The following RAD17 variants were observed in gnomAD, a reference collection of about 807,000 sequenced individuals.
RAD17 encodes RAD17 checkpoint clamp loader component.
RAD17 carries 31 observed loss-of-function variants against 81.5 expected under a neutral mutation model. The observed-to-expected ratio is 0.38, with a 90% CI of 0.29 to 0.51. RAD17 has a LOEUF of 0.51. Ranked by LOEUF, RAD17 falls within the 20% of genes least tolerant of loss-of-function variation. The pLI, the probability that RAD17 is intolerant of heterozygous loss-of-function variation, is 0.88. For synonymous variants in RAD17, 261 were observed against 266.2 expected (o/e 0.98, Z 0.19); for missense variants, 681 against 781.2 (o/e 0.87, Z 1.53).
chr5:69,397,974 G>A (rs1210527230), intron 16 of RAD17, among the ~76,000 whole-genome samples: 7 of 152,148 alleles, frequency 4.6e-5, no homozygotes, highest in Non-Finnish European at 5.9e-5. Flanking sequence ...AAACTTAGCC[G>A]GGTGTGGCGG....
upstream of RAD17, chr5:69,369,402 C>T: frequency 6.3e-7 from 1 of 1,591,316 alleles, no homozygotes; most frequent in Non-Finnish European, 8.6e-7. Flanking sequence ...CGCCCGATGC[C>T]CAGAGCACTC....
At chr5:69,386,983 G>A (rs1764253836) in intron 11 of RAD17, among the ~76,000 whole-genome samples, 1 of 146,918 alleles carries the variant, frequency 6.8e-6, no homozygotes, top group Non-Finnish European at 1.5e-5. Flanking sequence ...GGACTGCAGT[G>A]GCATAATCAT....
At position 69,395,331 on chromosome 5, in the gene RAD17, C is replaced by T. The variant is rs563750910; in HGVS notation, c.1423-1066C>T. 7.9e-5 allele frequency among the ~76,000 whole-genome samples: 12 copies of T among 152,054 alleles called. No homozygotes were observed. In the South Asian group the frequency reaches 2.3e-3, roughly 29 times the overall value. On this transcript the variant is annotated intron_variant, in intron 15 of 18. Transcript: ENST00000354868. ...TTTGAGAACAGCCTGGGAAACACAG[C>T]GAGACCCCATCTCTAGAAGAGATTT...
upstream of RAD17, chr5:69,369,460 GA>G: frequency 6.2e-7 from 1 of 1,610,328 alleles, no homozygotes; most frequent in Admixed American, 1.7e-5. Context: ...CGCGCGCCCT[GA>G]CCGGTGAGCA....
intron 12 of RAD17, among the ~76,000 whole-genome samples, chr5:69,391,477 CT>C (rs1420044247): frequency 6.6e-6 from 1 of 152,090 alleles, no homozygotes; most frequent in Non-Finnish European, 1.5e-5. Context: ...ATACAAAGTG[CT>C]CCAATGAGCA....
chr5:69,373,711 T>TAGTTTTAAAGGTTATAAATATA, intron 4 of RAD17, 119 bp from the exon 5 acceptor site: 6 of 435,608 alleles, frequency 1.4e-5, no homozygotes, highest in South Asian at 4.7e-5. Context: ...TTTTTTTTTT[T>TAGTTTTAAAGGTTATAAATATA]TTTTTAAGTT....
upstream of RAD17, chr5:69,369,367 G>A (rs2150749509): frequency 7.1e-7 from 1 of 1,411,172 alleles, no homozygotes; most frequent in East Asian, 2.5e-5. Context: ...CCTCTGAAGA[G>A]GGCAGTGAGG....
intron 12 of RAD17, among the ~76,000 whole-genome samples, chr5:69,390,824 G>C (rs1407824895): frequency 6.6e-6 from 1 of 151,438 alleles, no homozygotes; most frequent in African/African-American, 2.4e-5. Context: ...CCAGCATGGT[G>C]GTGCATGTAG....
chr5:69,385,050 C>T (rs1280944415), intron 8 of RAD17, 117 bp downstream of exon 8: 21 of 884,714 alleles, frequency 2.4e-5, no homozygotes, highest in South Asian at 1.3e-4. Context: ...AGCTCTGCCT[C>T]CCAGGTTCAC....
chr5:69,370,938 C>G (rs537438572), intron 1 of RAD17, 97 bp from the exon 2 acceptor site: 1 of 235,480 alleles, frequency 4.2e-6, no homozygotes, highest in Admixed American at 5.3e-5. Flanking sequence ...AATTTGAAAA[C>G]ACGGTTGAAA....
At chr5:69,374,865 C>T (rs1763240585) in intron 6 of RAD17, among the ~76,000 whole-genome samples, 154 bp downstream of exon 6, 2 of 152,208 alleles carry the variant, frequency 1.3e-5, no homozygotes, top group East Asian at 1.9e-4. Context: ...GTGACTCATG[C>T]CTGTAATCCC....
In RAD17 at chr5:69,382,082, G is replaced by GAAGT. The variant is rs113275821; in HGVS notation, c.508+27_508+30dup. 106 of 1,601,618 alleles carry GAAGT rather than the reference G, an allele frequency of 6.6e-5. No homozygotes were observed. In the African/African-American group the frequency reaches 9.4e-4, roughly 14 times the overall value. On this transcript the variant is annotated intron_variant, in intron 7 of 18. Coordinates refer to ENST00000354868, the MANE Select transcript of RAD17 (RefSeq NM_133338.3). ...GGTAAGATTTGCTGTGAAGGTAGTA[G>GAAGT]AAGTAGTGGGGCAAACCTGTGCTTA...
intron 6 of RAD17, 143 bp from the exon 7 acceptor site, chr5:69,381,758 C>A: frequency 1.7e-6 from 1 of 574,230 alleles, no homozygotes; most frequent in Non-Finnish European, 2.8e-6. Flanking sequence ...TTCCAGCAAG[C>A]ATTATTATGA....
At position 69,386,406 on chromosome 5, in the gene RAD17, G is replaced by C; in HGVS notation, c.835G>C (p.Val279Leu). ...CTTTATAAAACTTAGTTTCAACCCT[G>C]TGGCACCAACAATTATGATGAAATT... ...CSISNISFNP[V>L]APTIMMKFLN... is the part of the protein sequence containing the mutation. The change falls in exon 11 of 19, where the codon GTG becomes CTG. Residue 279 changes from valine (V) to leucine (L), a missense_variant. Physicochemically the swap from Val to Leu is conservative, Grantham distance 32. Transcript: ENST00000354868. 1 of 1,598,616 alleles carries C rather than the reference G, an allele frequency of 6.3e-7. No homozygotes were observed. Among genetic ancestry groups the C allele is most frequent in the Non-Finnish European group, 8.5e-7 (1 of 1,174,394 alleles).
At chr5:69,387,286 T>A (rs751036799) in intron 11 of RAD17, among the ~76,000 whole-genome samples, 1 of 151,968 alleles carries the variant, frequency 6.6e-6, no homozygotes, top group African/African-American at 2.4e-5. Context: ...TAAAAAAAAA[T>A]TGATGGACCT....
intron 16 of RAD17, among the ~76,000 whole-genome samples, chr5:69,399,109 A>G (rs1422847742): frequency 6.6e-6 from 1 of 152,074 alleles, no homozygotes; most frequent in Non-Finnish European, 1.5e-5. Flanking sequence ...GGAAAAAGGA[A>G]AAATTTTTTT....
intron 12 of RAD17, among the ~76,000 whole-genome samples, chr5:69,389,948 TATA>T (rs964039468): frequency 1.3e-5 from 2 of 152,210 alleles, no homozygotes; most frequent in African/African-American, 4.8e-5. Flanking sequence ...AAATTATTTT[TATA>T]ATAATTTATG....
At chr5:69,384,695 G>C in intron 7 of RAD17, 102 bp from the exon 8 acceptor site, 4 of 1,081,462 alleles carry the variant, frequency 3.7e-6, no homozygotes, top group Non-Finnish European at 5.2e-6. Context: ...ATAGTCTACA[G>C]TATTGTGAGA....
At chr5:69,369,967 T>G in intron 1 of RAD17, 34 bp downstream of exon 1, 1 of 530,048 alleles carries the variant, frequency 1.9e-6, no homozygotes. Flanking sequence ...ATATTATGTA[T>G]ATGTCTTAGA....
Sources: allele counts gnomAD v4.1 joint callset (sites outside exome capture counted in the v4.1 genomes callset), GRCh38; gene constraint gnomAD v4.1.1; transcripts MANE v1.5; gene names NCBI Gene and HGNC (gene_info 2026-07-23, HGNC 2026-07-21).